Variants in GHR observed in about 807,000 individuals in gnomAD.
GHR encodes the protein GH receptor.
A neutral mutation model predicts 67.1 loss-of-function variants in GHR; 35 were observed. That is an observed-to-expected ratio of 0.52 (90% CI 0.40 to 0.69). The LOEUF is 0.69. Ranked by LOEUF, GHR falls within the 30% of genes least tolerant of loss-of-function variation. The probability of loss-of-function intolerance (pLI) is 0.00; values close to 1 mark genes in which losing one functional copy is unlikely to be tolerated. For synonymous variants in GHR, 272 were observed against 269.1 expected, an observed-to-expected ratio of 1.01 and a Z score of -0.10; for missense variants, 792 against 764.6, an observed-to-expected ratio of 1.04 and a Z score of -0.42.
At chr5:42,582,711 AC>A (rs1751242859) in intron 2 of GHR, among the ~76,000 whole-genome samples, 1 of 152,118 alleles carries the variant, frequency 6.6e-6, no homozygotes, top group African/African-American at 2.4e-5. Flanking sequence ...CCTGTGTGAC[AC>A]CCTCTTTGGG....
chr5:42,513,444 GA>G (rs1747108096), intron 1 of GHR, among the ~76,000 whole-genome samples: 2 of 152,162 alleles, frequency 1.3e-5, no homozygotes, highest in South Asian at 4.1e-4. Context: ...AAATAGATGA[GA>G]TGAAGCTTAA....
At position 42,713,640 on chromosome 5, in the gene GHR, G is replaced by A. The variant is rs188131539; in HGVS notation, c.875+121G>A. On this transcript the variant is annotated intron_variant, in intron 8 of 9. Transcript: ENST00000230882. Reference sequence around the variant, plus strand: ...ATGAGTGGAAATTTTAGTTAACCTAGTACACTTTTATCTCCAGTTATATAT... The same window carrying A: ...ATGAGTGGAAATTTTAGTTAACCTAATACACTTTTATCTCCAGTTATATAT... 14 of 691,324 alleles carry A rather than the reference G, an allele frequency of 2.0e-5. No individual in the cohort carries two copies. In the East Asian group the frequency reaches 3.7e-4, roughly 18 times the overall value. 42.8% of individuals were successfully genotyped at this position (691,324 alleles called of 1,614,324 possible).
At chr5:42,431,975 A>G (rs570811381) in intron 1 of GHR, among the ~76,000 whole-genome samples, 1 of 152,332 alleles carries the variant, frequency 6.6e-6, no homozygotes, top group East Asian at 1.9e-4. Context: ...ATTCCCTGAT[A>G]GGGAACTGGA....
intron 8 of GHR, among the ~76,000 whole-genome samples, 168 bp downstream of exon 8, chr5:42,713,687 AT>A (rs1758583037): frequency 6.6e-6 from 1 of 152,196 alleles, no homozygotes; most frequent in African/African-American, 2.4e-5. Flanking sequence ...ATAAAACTCA[AT>A]TTGTTGTATT....
chr5:42,551,134 T>G (rs1749008843), intron 1 of GHR, among the ~76,000 whole-genome samples: 1 of 152,068 alleles, frequency 6.6e-6, no homozygotes, highest in Admixed American at 6.5e-5. Context: ...CATGCTTTGG[T>G]GATTGAGAGC....
At chr5:42,622,106 G>C (rs1580073068) in intron 2 of GHR, among the ~76,000 whole-genome samples, 1 of 152,158 alleles carries the variant, frequency 6.6e-6, no homozygotes, top group East Asian at 1.9e-4. Flanking sequence ...AAAGAGGATT[G>C]CTGCCTGAGG....
chr5:42,529,711 G>A (rs1013603457), intron 1 of GHR, among the ~76,000 whole-genome samples: 24 of 152,094 alleles, frequency 1.6e-4, no homozygotes, highest in Non-Finnish European at 3.1e-4. Flanking sequence ...TGAGGTTTCA[G>A]TGCTTTTCAC....
chr5:42,468,535 G>C (rs1335414410), intron 1 of GHR: 3 of 812,046 alleles, frequency 3.7e-6, no homozygotes, highest in East Asian at 5.1e-5. Context: ...CTACTGGCAC[G>C]AGAACAATGA....
At chr5:42,627,621 C>T (rs1180347916) in intron 2 of GHR, among the ~76,000 whole-genome samples, 1 of 152,240 alleles carries the variant, frequency 6.6e-6, no homozygotes, top group African/African-American at 2.4e-5. Context: ...TGTGGCTCAC[C>T]TGTTCAGTTG....
At chr5:42,532,795 A>G (rs374954820) in intron 1 of GHR, among the ~76,000 whole-genome samples, 3 of 152,234 alleles carry the variant, frequency 2.0e-5, no homozygotes, top group African/African-American at 7.2e-5. Flanking sequence ...ATTGCCATAT[A>G]TTACTCCATC....
intron 1 of GHR, among the ~76,000 whole-genome samples, chr5:42,465,130 T>C (rs1433884992): frequency 1.3e-5 from 2 of 152,210 alleles, no homozygotes; most frequent in East Asian, 3.8e-4. Flanking sequence ...GTTATAATAA[T>C]CTTTAATGAA....
chr5:42,572,122 C>T (rs1223573307), intron 2 of GHR, among the ~76,000 whole-genome samples: 1 of 152,192 alleles, frequency 6.6e-6, no homozygotes, highest in Non-Finnish European at 1.5e-5. Context: ...GCATCGAAGT[C>T]AATGGGTTTA....
At chr5:42,643,720 C>CT (rs59494703) in intron 3 of GHR, among the ~76,000 whole-genome samples, 23,129 of 146,126 alleles carry the variant, frequency 0.16, 1,998 homozygotes, top group African/African-American at 0.21. Flanking sequence ...TACATTATGC[C>CT]TTTTTTTTTT....
chr5:42,541,001 C>T (rs1158271060), intron 1 of GHR, among the ~76,000 whole-genome samples: 1 of 149,432 alleles, frequency 6.7e-6, no homozygotes, highest in East Asian at 2.0e-4. Flanking sequence ...AAATTTGTTC[C>T]ATATTGTTTT....
chr5:42,454,819 A>T (rs1017989630), intron 1 of GHR, among the ~76,000 whole-genome samples: 1 of 151,976 alleles, frequency 6.6e-6, no homozygotes, highest in Non-Finnish European at 1.5e-5. Flanking sequence ...CTTTCAGGCC[A>T]CACCCCTCCC....
At chr5:42,556,253 A>G (rs1200120065) in intron 1 of GHR, among the ~76,000 whole-genome samples, 1 of 152,192 alleles carries the variant, frequency 6.6e-6, no homozygotes, top group Non-Finnish European at 1.5e-5. Flanking sequence ...AGATATAAAA[A>G]GTATTTAGTA....
rs926602851 is a variant in GHR at position 42,576,144 on chromosome 5, A to AAAATAAAATAAAATAAAAT, written c.70+10200_70+10201insAAATAAAATAAAATAAAAT. ...AAAATAAAATAAAATAAAATAAAATAGTAAAGTAAAATAAAATAAAGGCAA... is the reference window on the plus strand; with the variant it reads ...AAAATAAAATAAAATAAAATAAAATAAAATAAAATAAAATAAAATGTAAAGTAAAATAAAATAAAGGCAA... On this transcript the variant is annotated intron_variant, in intron 2 of 9. Coordinates refer to ENST00000230882, the MANE Select transcript of GHR (RefSeq NM_000163.5). Among the ~76,000 whole-genome samples, 2 of 88,934 alleles carry AAAATAAAATAAAATAAAAT rather than the reference A, an allele frequency of 2.2e-5. 1 individual carries two copies. The highest frequency in any genetic ancestry group is 9.5e-5 in the African/African-American group (2 of 20,966). The allele number at this position is 88,934 out of a possible 152,430, so 58.3% of individuals were successfully genotyped here.
intron 2 of GHR, among the ~76,000 whole-genome samples, chr5:42,568,407 A>C (rs1210743049): frequency 2.0e-5 from 3 of 152,184 alleles, no homozygotes; most frequent in African/African-American, 7.2e-5. Context: ...TACATAGTCT[A>C]GAGGAGAATT....
chr5:42,548,286 A>G (rs1223180324), intron 1 of GHR: 1 of 985,194 alleles, frequency 1.0e-6, no homozygotes, highest in African/African-American at 1.7e-5. Flanking sequence ...GAAGGTTTAT[A>G]TATCAAAGCA....
Sources: allele counts gnomAD v4.1 joint callset (sites outside exome capture counted in the v4.1 genomes callset), GRCh38; gene constraint gnomAD v4.1.1; transcripts MANE v1.5; gene names NCBI Gene and HGNC (gene_info 2026-07-23, HGNC 2026-07-21).